Variants in PCDHB5 observed in about 807,000 individuals in gnomAD.
PCDHB5 encodes the protein protocadherin beta-5.
For synonymous variants in PCDHB5, 569 were observed against 462.2 expected (o/e 1.23, Z -2.96); for missense variants, 1,125 against 1,029.4 (o/e 1.09, Z -1.27).
chr5:141,137,763 G>A lies in PCDHB5; in HGVS notation c.2329G>A (p.Gly777Ser), dbSNP rs201660979. 3.1e-6 allele frequency: 5 copies of A among 1,614,040 alleles called. No homozygotes were observed. In the East Asian group the frequency reaches 1.1e-4, roughly 36 times the overall value. ...GATTATTCCTAACCTTTTGCCCCAG[G>A]GCGCTGGTGAAGAAATAGGGAAAAC... ...KPIIPNLLPQ[G>S]AGEEIGKTAA... Residue 777 changes from glycine (G) to serine (S), a missense_variant, in exon 1 of 1, where the codon GGC (glycine) becomes AGC (serine). Gly to Ser is a moderately conservative substitution (Grantham distance 56). Transcript: ENST00000231134.
chr5:141,136,262 T>C lies in PCDHB5; in HGVS notation c.828T>C (p.Ser276=). 1.9e-5 allele frequency: 30 copies of C among 1,613,896 alleles called. No homozygotes were observed. Among genetic ancestry groups the C allele is most frequent in the Non-Finnish European group, 2.5e-5 (29 of 1,179,808 alleles). ...ARDLDAGAYG[S]VAYALFQGDE... is the part of the protein sequence containing the mutation. The stretch of plus-strand genomic sequence containing the variant: ...ATTTAGATGCAGGAGCATATGGGAG[T>C]GTAGCCTATGCTCTATTCCAAGGCG... The change falls in exon 1 of 1, where the codon AGT becomes AGC. Residue 276 remains serine (S), a synonymous_variant. Coordinates refer to ENST00000231134, the MANE Select transcript of PCDHB5 (RefSeq NM_015669.5).
chr5:141,136,621 TA>T lies in PCDHB5; in HGVS notation c.1193del (p.Asn398ThrfsTer5), dbSNP rs1554275948. On this transcript the variant is annotated frameshift_variant, in exon 1 of 1. Coordinates refer to ENST00000231134, the MANE Select transcript of PCDHB5 (RefSeq NM_015669.5). LOFTEE classifies it low-confidence loss of function (END_TRUNC). ...CTCCCCTTTCTTTTGAAGCCCACAT[TA>T]AAAAACTTTTACACCCTAGTGACAC... ...NDLPFLLKPTLKNFYTLVTQR... is the reference protein window; with the variant it reads ...NDLPFLLKPTXKNFYTLVTQR... The T allele has an allele frequency of 6.2e-7, 1 of 1,613,986 alleles. No individual in the cohort carries two copies.
In PCDHB5 at chr5:141,138,179, A is replaced by T. The variant is rs1752641331; in HGVS notation, c.*357A>T. 5.5e-6 allele frequency: 1 copy of T among 182,760 alleles called. No homozygotes were observed. The highest frequency in any genetic ancestry group is 1.9e-4 in the South Asian group (1 of 5,290). The allele number at this position is 182,760 out of a possible 1,614,324, so 11.3% of individuals were successfully genotyped here. On this transcript the variant is annotated 3_prime_UTR_variant, in exon 1 of 1. Transcript: ENST00000231134. The stretch of plus-strand genomic sequence containing the variant: ...CACACTCTTAAGTATTATATATTTG[A>T]TGCTAAAATGCAAAAATTAAAAATG...
Position 141,135,731 on chromosome 5 carries a change from A to G in PCDHB5, c.297A>G (p.Thr99=). The change falls in exon 1 of 1, where the codon ACA becomes ACG. Residue 99 remains threonine (T), a synonymous_variant. Transcript: ENST00000231134. Reference sequence around the variant, plus strand: ...ACCGGGAGGTGATGTGCGGGGCGACAGAACCCTGTATATTGCATTTCCAGC... The same window carrying G: ...ACCGGGAGGTGATGTGCGGGGCGACGGAACCCTGTATATTGCATTTCCAGC... ...KLDREVMCGA[T]EPCILHFQLL... The G allele has an allele frequency of 3.1e-6, 5 of 1,614,148 alleles. No homozygotes were observed. In the East Asian group the frequency reaches 1.1e-4, roughly 36 times the overall value.
Position 141,138,070 on chromosome 5 carries a change from T to C in PCDHB5, c.*248T>C, listed in dbSNP as rs1353866342. On this transcript the variant is annotated 3_prime_UTR_variant, in exon 1 of 1. Transcript: ENST00000231134. ...ATTTTCCTGAGATTTTTTTCTCTTC[T>C]TGTTGGTATTTGTTGTGATAAACCA... The C allele has an allele frequency of 6.9e-6, 3 of 437,136 alleles. No individual in the cohort carries two copies. The highest frequency in any genetic ancestry group is 6.1e-5 in the African/African-American group (3 of 49,170). The allele number at this position is 437,136 out of a possible 1,614,324, so 27.1% of individuals were successfully genotyped here. A position where few individuals can be genotyped will look rare whatever the true frequency, so the allele number is the denominator to read the frequency against.
rs368713376 is a variant in PCDHB5 at position 141,136,971 on chromosome 5, T to C, written c.1537T>C (p.Phe513Leu). 51 of 1,612,352 alleles carry C rather than the reference T, an allele frequency of 3.2e-5. No homozygotes were observed. Among genetic ancestry groups the C allele is most frequent in the Non-Finnish European group, 3.6e-5 (43 of 1,179,952 alleles). Residue 513 changes from phenylalanine to leucine, a missense_variant, in exon 1 of 1, where the codon TTT becomes CTT. Transcript: ENST00000231134. ...VSINADNGHL[F>L]ALRSLDYEAL... ...CATCAACGCGGACAACGGCCACCTG[T>C]TTGCCCTCAGGTCGCTGGACTACGA...
In PCDHB5 at chr5:141,137,737, C is replaced by G. The variant is rs368663756; in HGVS notation, c.2303C>G (p.Pro768Arg). The stretch of plus-strand genomic sequence containing the variant: ...GCCGGCGAGTTCAAGTTCCTGAAGC[C>G]GATTATTCCTAACCTTTTGCCCCAG... ...SGAGEFKFLK[P>R]IIPNLLPQGA... The change falls in exon 1 of 1, where the codon CCG (proline) becomes CGG (arginine). Residue 768 changes from proline to arginine, a missense_variant. Physicochemically the swap from Pro to Arg is moderately radical, Grantham distance 103 (BLOSUM62 -2). Transcript: ENST00000231134. 2.8e-5 allele frequency: 46 copies of G among 1,614,218 alleles called. No individual in the cohort carries two copies. In the African/African-American group the frequency reaches 4.8e-4, roughly 17 times the overall value.
rs138194196 is a variant in PCDHB5 at position 141,137,765 on chromosome 5, C to A, written c.2331C>A (p.Gly777=). Residue 777 remains glycine, a synonymous_variant, in exon 1 of 1, where the codon GGC becomes GGA. Coordinates refer to ENST00000231134, the MANE Select transcript of PCDHB5 (RefSeq NM_015669.5). ...KPIIPNLLPQ[G]AGEEIGKTAA... is the part of the protein sequence containing the mutation. The stretch of plus-strand genomic sequence containing the variant: ...TTATTCCTAACCTTTTGCCCCAGGG[C>A]GCTGGTGAAGAAATAGGGAAAACTG... 1 of 1,613,766 alleles carries A rather than the reference C, an allele frequency of 6.2e-7. No homozygotes were observed. The highest frequency in any genetic ancestry group is 1.3e-5 in the African/African-American group (1 of 74,932).
At position 141,137,156 on chromosome 5, in the gene PCDHB5, G is replaced by A. The variant is rs781813465; in HGVS notation, c.1722G>A (p.Leu574=). ...ACGGCTCGGCGCCTTGCACCGAGCT[G>A]GTGCCCCGGGCGGCCGAGCCGGGCT... ...LQNGSAPCTE[L]VPRAAEPGYL... is the part of the protein sequence containing the mutation. The change falls in exon 1 of 1, where the codon CTG becomes CTA. Residue 574 remains leucine (L), a synonymous_variant. Coordinates refer to ENST00000231134, the MANE Select transcript of PCDHB5 (RefSeq NM_015669.5). The A allele has an allele frequency of 1.2e-6, 2 of 1,610,784 alleles. No homozygotes were observed. Among genetic ancestry groups the A allele is most frequent in the South Asian group, 1.1e-5 (1 of 90,958 alleles).
chr5:141,136,135 A>G lies in PCDHB5; in HGVS notation c.701A>G (p.Asp234Gly). 1.2e-6 allele frequency: 2 copies of G among 1,614,154 alleles called. No homozygotes were observed. Among genetic ancestry groups the G allele is most frequent in the Non-Finnish European group, 1.7e-6 (2 of 1,179,974 alleles). ...ACCACAATTCGCATTGTCGTCTTGG[A>G]TAATAATGACAACGCCCCCGAATTT... ...GTTTIRIVVL[D>G]NNDNAPEFLQ... The change falls in exon 1 of 1, where the codon GAT becomes GGT. Residue 234 changes from aspartate to glycine, a missense_variant. Transcript: ENST00000231134.
Position 141,135,445 on chromosome 5 carries a change from C to T in PCDHB5, c.11C>T (p.Ala4Val), listed in dbSNP as rs1251535727. 3 of 1,606,302 alleles carry T rather than the reference C, an allele frequency of 1.9e-6. No homozygotes were observed. Among genetic ancestry groups the T allele is most frequent in the South Asian group, 1.1e-5 (1 of 89,324 alleles). ...GACCGGGTCTGAACAATGGAGACTG[C>T]GCTAGCAAAAACGCCACAGAAAAGG... The part of the protein sequence containing the change: MET[A>V]LAKTPQKRQV... Residue 4 changes from alanine to valine, a missense_variant, in exon 1 of 1, where the codon GCG (alanine) becomes GTG (valine). Physicochemically the swap from Ala to Val is moderately conservative, Grantham distance 64. Coordinates refer to ENST00000231134, the MANE Select transcript of PCDHB5 (RefSeq NM_015669.5).
rs1303890289 is a variant in PCDHB5, at chr5:141,138,082, G to T, written c.*260G>T. On this transcript the variant is annotated 3_prime_UTR_variant, in exon 1 of 1. Coordinates refer to ENST00000231134, the MANE Select transcript of PCDHB5 (RefSeq NM_015669.5). ...TTTTTTTCTCTTCTTGTTGGTATTT[G>T]TTGTGATAAACCACCTTAATAAAAT... The T allele has an allele frequency of 9.6e-6, 4 of 418,106 alleles. No individual in the cohort carries two copies. Among genetic ancestry groups the T allele is most frequent in the Non-Finnish European group, 1.7e-5 (4 of 229,682 alleles). 25.9% of individuals were successfully genotyped at this position (418,106 alleles called of 1,614,324 possible).
Position 141,137,343 on chromosome 5 carries a change from C to A in PCDHB5, c.1909C>A (p.His637Asn), listed in dbSNP as rs1752613830. Residue 637 changes from histidine to asparagine, a missense_variant, in exon 1 of 1, where the codon CAC becomes AAC. Physicochemically the swap from His to Asn is moderately conservative, Grantham distance 68. Transcript: ENST00000231134. ...RLLSERDAAK[H>N]RLVVLVKDNG... The stretch of plus-strand genomic sequence containing the variant: ...GCTGAGCGAGCGCGACGCGGCCAAG[C>A]ACAGGCTGGTGGTGCTGGTCAAGGA... 6.2e-7 allele frequency: 1 copy of A among 1,609,776 alleles called. No individual in the cohort carries two copies. The highest frequency in any genetic ancestry group is 8.5e-7 in the Non-Finnish European group (1 of 1,179,544).
Position 141,136,048 on chromosome 5 carries a change from G to A in PCDHB5, c.614G>A (p.Arg205Gln), listed in dbSNP as rs782008476. The A allele has an allele frequency of 8.5e-5, 138 of 1,614,060 alleles. No individual in the cohort carries two copies. Among genetic ancestry groups the A allele is most frequent in the Non-Finnish European group, 1.1e-4 (134 of 1,180,018 alleles). The change falls in exon 1 of 1, where the codon CGG (arginine) becomes CAG (glutamine). Residue 205 changes from arginine to glutamine, a missense_variant. Coordinates refer to ENST00000231134, the MANE Select transcript of PCDHB5 (RefSeq NM_015669.5). ...VLDKALDREE[R>Q]PELSLTLTAL... ...GACAAAGCGCTGGACCGGGAGGAGC[G>A]GCCTGAGCTCAGCTTAACACTCACT...
rs782093707 is a variant in PCDHB5 at position 141,135,872 on chromosome 5, C to A, written c.438C>A (p.Thr146=). 3.3e-5 allele frequency: 54 copies of A among 1,614,126 alleles called. 1 individual carries two copies. In the South Asian group the frequency reaches 5.3e-4, roughly 16 times the overall value. ...KEMLLKIPES[T]QPGTVFPLKI... ...TGCTCCTAAAAATCCCAGAGAGCAC[C>A]CAGCCAGGGACTGTGTTTCCCTTAA... is the stretch of plus-strand genomic sequence containing the variant. Residue 146 remains threonine (T), a synonymous_variant, in exon 1 of 1, where the codon ACC becomes ACA. Transcript: ENST00000231134.
In PCDHB5 at chr5:141,137,463, C is replaced by G. The variant is rs1554276223; in HGVS notation, c.2029C>G (p.Pro677Ala). 1 of 1,612,584 alleles carries G rather than the reference C, an allele frequency of 6.2e-7. No homozygotes were observed. Among genetic ancestry groups the G allele is most frequent in the Non-Finnish European group, 8.5e-7 (1 of 1,179,702 alleles). ...QPYLPLPEAA[P>A]AQAQADSLTV... ...CTACCTGCCGCTGCCGGAGGCGGCC[C>G]CGGCCCAGGCCCAGGCCGACTCGCT... The change falls in exon 1 of 1, where the codon CCG becomes GCG. Residue 677 changes from proline to alanine, a missense_variant. Coordinates refer to ENST00000231134, the MANE Select transcript of PCDHB5 (RefSeq NM_015669.5).
In PCDHB5 at chr5:141,136,076, A is replaced by T; in HGVS notation, c.642A>T (p.Ala214=). 6.8e-6 allele frequency: 11 copies of T among 1,614,172 alleles called. No homozygotes were observed. The highest frequency in any genetic ancestry group is 9.3e-6 in the Non-Finnish European group (11 of 1,179,984). Residue 214 remains alanine (A), a synonymous_variant, in exon 1 of 1, where the codon GCA becomes GCT. Transcript: ENST00000231134. The part of the protein sequence containing the change: ...ERPELSLTLT[A]LDGGAPPRSG... ...CTGAGCTCAGCTTAACACTCACTGC[A>T]CTGGACGGTGGGGCTCCGCCCAGGT...
Position 141,137,550 on chromosome 5 carries a change from C to T in PCDHB5, c.2116C>T (p.Leu706=), listed in dbSNP as rs1554276251. The stretch of plus-strand genomic sequence containing the variant: ...GTCGCTCTTCCTCTTTTCGGTGCTC[C>T]TGTTCGTGGCAGTGCGGCTGTGCAG... The part of the protein sequence containing the change: ...VSSLFLFSVL[L]FVAVRLCRRS... The change falls in exon 1 of 1, where the codon CTG becomes TTG. Residue 706 remains leucine, a synonymous_variant. Transcript: ENST00000231134. 2 of 1,612,452 alleles carry T rather than the reference C, an allele frequency of 1.2e-6. No homozygotes were observed. Among genetic ancestry groups the T allele is most frequent in the African/African-American group, 2.7e-5 (2 of 74,898 alleles).
rs542595111 is a variant in PCDHB5, at chr5:141,136,104, G to C, written c.670G>C (p.Gly224Arg). Residue 224 changes from glycine to arginine, a missense_variant, in exon 1 of 1, where the codon GGG becomes CGG. By Grantham distance (125) the Gly-to-Arg change is moderately radical. Transcript: ENST00000231134. ...GGACGGTGGGGCTCCGCCCAGGTCCGGGACCACCACAATTCGCATTGTCGT... is the reference window on the plus strand; with the variant it reads ...GGACGGTGGGGCTCCGCCCAGGTCCCGGACCACCACAATTCGCATTGTCGT... Reference protein sequence around the residue: ...ALDGGAPPRSGTTTIRIVVLD... With the variant: ...ALDGGAPPRSRTTTIRIVVLD... The C allele has an allele frequency of 1.2e-5, 20 of 1,614,116 alleles. No individual in the cohort carries two copies. The East Asian group carries it at 3.6e-4, about 29-fold the overall frequency.
Sources: gnomAD v4.1 joint callset for allele counts on GRCh38, gnomAD v4.1.1 for gene constraint, MANE v1.5 for transcripts, NCBI Gene and HGNC (gene_info 2026-07-23, HGNC 2026-07-21) for gene names.